Variants in UBTD1 observed in about 807,000 individuals in gnomAD.
The protein encoded by UBTD1 is ubiquitin domain containing 1.
UBTD1 carries 19 observed loss-of-function variants against 21.7 expected under a neutral mutation model. The ratio of observed to expected loss-of-function variants is 0.87; its 90% CI spans 0.61 to 1.28. The LOEUF is 1.28. Ranked by LOEUF, UBTD1 falls within the 50% of genes most tolerant of loss-of-function variation. UBTD1 has a pLI of 0.00. For missense variants in UBTD1, 282 were observed against 315.1 expected, an observed-to-expected ratio of 0.89 and a Z score of 0.80; for synonymous variants, 116 against 135.1, an observed-to-expected ratio of 0.86 and a Z score of 0.98.
intron 2 of UBTD1, 101 bp downstream of exon 2, chr10:97,568,242 C>T: frequency 8.1e-7 from 1 of 1,237,494 alleles, no homozygotes. Context: ...CAGGTGGTTA[C>T]TCACGTATTC....
intron 1 of UBTD1, among the ~76,000 whole-genome samples, chr10:97,501,048 G>A (rs1168501058): frequency 3.9e-5 from 6 of 151,922 alleles, no homozygotes; most frequent in South Asian, 2.1e-4. Flanking sequence ...CTTCCTTGTC[G>A]CCTGCCTCTC....
At chr10:97,564,644 A>C (rs962127016) in intron 1 of UBTD1, among the ~76,000 whole-genome samples, 2 of 152,152 alleles carry the variant, frequency 1.3e-5, no homozygotes, top group Non-Finnish European at 2.9e-5. Context: ...GCTCACTGCA[A>C]CCTCAGCCTC....
At position 97,510,830 on chromosome 10, in the gene UBTD1, T is replaced by C. The variant is rs546715531; in HGVS notation, c.70+11557T>C. On this transcript the variant is annotated intron_variant, in intron 1 of 2. Transcript: ENST00000370664. ...GAATCCAGCTTGAATCAACTCTCAT[T>C]AGTAGCAAATCACTTGCAACACACC... is the stretch of plus-strand genomic sequence containing the variant. Among the ~76,000 whole-genome samples the C allele has an allele frequency of 3.9e-5, 6 of 152,260 alleles. No homozygotes were observed. The South Asian group carries it at 1.2e-3, about 32-fold the overall frequency.
At chr10:97,528,450 T>C (rs1412570272) in intron 1 of UBTD1, among the ~76,000 whole-genome samples, 1 of 65,080 alleles carries the variant, frequency 1.5e-5, no homozygotes, top group Non-Finnish European at 2.9e-5. Context: ...GCAGAGGGGC[T>C]CCTCACTTCC....
chr10:97,554,120 C>T (rs1467434919), intron 1 of UBTD1, among the ~76,000 whole-genome samples: 1 of 152,160 alleles, frequency 6.6e-6, no homozygotes, highest in Non-Finnish European at 1.5e-5. Context: ...GTTCTTTAGT[C>T]TTCTCAAGAG....
intron 1 of UBTD1, among the ~76,000 whole-genome samples, chr10:97,505,833 C>T (rs977433202): frequency 6.6e-6 from 1 of 152,128 alleles, no homozygotes; most frequent in Non-Finnish European, 1.5e-5. Context: ...TCCAAGCTAC[C>T]AGGATTTTTA....
intron 1 of UBTD1, among the ~76,000 whole-genome samples, chr10:97,547,114 G>C (rs1378074688): frequency 6.6e-6 from 1 of 152,196 alleles, no homozygotes; most frequent in Non-Finnish European, 1.5e-5. Flanking sequence ...CTGAGCGCTC[G>C]TGGCAGTTGA....
chr10:97,517,344 T>C (rs938085974), intron 1 of UBTD1, among the ~76,000 whole-genome samples: 1 of 151,864 alleles, frequency 6.6e-6, no homozygotes, highest in African/African-American at 2.4e-5. Context: ...TGGAGAGATC[T>C]GGGGATGTTT....
rs1453526659 is a variant in UBTD1 at position 97,499,187 on chromosome 10, C to T, written c.-17C>T. On this transcript the variant is annotated 5_prime_UTR_variant, in exon 1 of 3. Coordinates refer to ENST00000370664, the MANE Select transcript of UBTD1 (RefSeq NM_024954.5). ...CCCCGCCGCCTCCGGTGCATGGGGA[C>T]TGGCTGAGGAGCCAGCATGGGCAAC... 6.5e-7 allele frequency: 1 copy of T among 1,533,522 alleles called. No individual in the cohort carries two copies. 95.0% of individuals were successfully genotyped at this position (1,533,522 alleles called of 1,614,324 possible).
chr10:97,525,301 G>C (rs936680081), intron 1 of UBTD1, among the ~76,000 whole-genome samples: 1 of 152,120 alleles, frequency 6.6e-6, no homozygotes. Context: ...TTGTATGCTG[G>C]GCACCGCAGA....
At chr10:97,558,641 T>A (rs1266288685) in intron 1 of UBTD1, among the ~76,000 whole-genome samples, 1 of 123,164 alleles carries the variant, frequency 8.1e-6, no homozygotes, top group East Asian at 2.3e-4. Context: ...CCGACATGAA[T>A]TTTTTTTTTT....
chr10:97,558,667 A>AGCTCTT (rs1441166485), intron 1 of UBTD1, among the ~76,000 whole-genome samples: 2 of 151,752 alleles, frequency 1.3e-5, no homozygotes, highest in African/African-American at 2.4e-5. Flanking sequence ...ACTCATGAAA[A>AGCTCTT]GCTCTTGCTG....
chr10:97,545,344 A>C (rs1463145557), intron 1 of UBTD1, among the ~76,000 whole-genome samples: 1 of 151,010 alleles, frequency 6.6e-6, no homozygotes, highest in African/African-American at 2.4e-5. Context: ...GTCTCAAAAA[A>C]AAAAAAAAGA....
intron 1 of UBTD1, among the ~76,000 whole-genome samples, chr10:97,518,799 G>C (rs940644388): frequency 1.3e-5 from 2 of 152,240 alleles, no homozygotes; most frequent in African/African-American, 4.8e-5. Context: ...GAAACAAGGA[G>C]AGAAATAAGC....
At chr10:97,565,944 G>A (rs552487359) in intron 1 of UBTD1, among the ~76,000 whole-genome samples, 32 of 152,146 alleles carry the variant, frequency 2.1e-4, no homozygotes, top group African/African-American at 7.7e-4. Flanking sequence ...GAATTCCTGG[G>A]CTCAAGTGAT....
intron 1 of UBTD1, among the ~76,000 whole-genome samples, chr10:97,535,829 G>A (rs1193982422): frequency 2.6e-5 from 4 of 151,742 alleles, no homozygotes; most frequent in South Asian, 2.1e-4. Context: ...GAGGTAGAAG[G>A]ATCGCTTGAT....
intron 1 of UBTD1, among the ~76,000 whole-genome samples, chr10:97,552,763 T>A (rs1386508851): frequency 6.6e-6 from 1 of 152,182 alleles, no homozygotes; most frequent in Non-Finnish European, 1.5e-5. Context: ...TGAGACCTTT[T>A]TTCACTGTAT....
intron 1 of UBTD1, among the ~76,000 whole-genome samples, chr10:97,561,187 G>A (rs974912785): frequency 3.3e-5 from 5 of 152,068 alleles, no homozygotes; most frequent in South Asian, 2.1e-4. Context: ...TTTCCTACCC[G>A]GGAGCGCTCT....
At chr10:97,559,744 C>T (rs1047913334) in intron 1 of UBTD1, among the ~76,000 whole-genome samples, 7 of 152,008 alleles carry the variant, frequency 4.6e-5, no homozygotes, top group Admixed American at 2.6e-4. Context: ...TAAAGAAAAA[C>T]CTGTTGCATT....
Sources: gnomAD v4.1 joint callset for allele counts (sites outside exome capture counted in the v4.1 genomes callset) on GRCh38, gnomAD v4.1.1 for gene constraint, MANE v1.5 for transcripts, NCBI Gene and HGNC (gene_info 2026-07-23, HGNC 2026-07-21) for gene names.